The following LRRC4C variants were observed in gnomAD, a reference collection of about 807,000 sequenced individuals.
LRRC4C encodes leucine rich repeat containing 4C.
A neutral mutation model predicts 33.6 loss-of-function variants in LRRC4C; 5 were observed. The ratio of observed to expected loss-of-function variants is 0.15; its 90% CI spans 0.08 to 0.31. LRRC4C has a LOEUF of 0.31. LRRC4C is among the 10% of genes least tolerant of loss of function. LRRC4C has a pLI of 1.00. For missense variants in LRRC4C, 560 were observed against 796.7 expected, an observed-to-expected ratio of 0.70 and a Z score of 3.58; for synonymous variants, 329 against 302.0, an observed-to-expected ratio of 1.09 and a Z score of -0.93.
chr11:40,291,810 C>A lies in LRRC4C; in HGVS notation c.-176+27818G>T, dbSNP rs1944210565. Among the ~76,000 whole-genome samples, 4 of 152,286 alleles carry A rather than the reference C, an allele frequency of 2.6e-5. No homozygotes were observed. The South Asian group carries it at 8.3e-4, about 32-fold the overall frequency. ...TAATGAAATTTAAATTGAGTCCCTT[C>A]GATTTCCAATAGCGAAACATTTGTG... On this transcript the variant is annotated intron_variant, in intron 4 of 6. Transcript: ENST00000528697.
At chr11:40,154,287 C>CAAAAAAAAAAAAAAAAAAAAAAAAAA (rs60017606) in intron 5 of LRRC4C, among the ~76,000 whole-genome samples, 2 of 114,206 alleles carry the variant, frequency 1.8e-5, no homozygotes, top group African/African-American at 3.2e-5. Flanking sequence ...AGCTAAAAAG[C>CAAAAAAAAAAAAAAAAAAAAAAAAAA]AAAAAAAAAA....
intron 1 of LRRC4C, among the ~76,000 whole-genome samples, chr11:41,039,074 T>A (rs144049233): frequency 2.0e-5 from 3 of 152,316 alleles, no homozygotes; most frequent in African/African-American, 7.2e-5. Flanking sequence ...GATCTTACAT[T>A]TAAATCATTA....
At chr11:40,401,859 G>T (rs1949773021) in intron 3 of LRRC4C, among the ~76,000 whole-genome samples, 1 of 152,086 alleles carries the variant, frequency 6.6e-6, no homozygotes, top group African/African-American at 2.4e-5. Context: ...GTGTGTGCAT[G>T]TGTATGTGTA....
intron 3 of LRRC4C, among the ~76,000 whole-genome samples, chr11:40,641,997 G>T (rs574379142): frequency 3.0e-4 from 44 of 148,930 alleles, no homozygotes; most frequent in Middle Eastern, 3.6e-3. Flanking sequence ...GGACAGCCAT[G>T]TCAAATCTTG....
chr11:40,946,890 C>A (rs915283494), intron 1 of LRRC4C, among the ~76,000 whole-genome samples: 5 of 151,928 alleles, frequency 3.3e-5, no homozygotes, highest in African/African-American at 1.2e-4. Flanking sequence ...CCAATAAATT[C>A]AAAAAAATTT....
intron 1 of LRRC4C, among the ~76,000 whole-genome samples, chr11:41,437,419 G>GCA (rs1212085301): frequency 1.6e-5 from 1 of 64,326 alleles, no homozygotes; most frequent in Admixed American, 1.5e-4. Context: ...AAACGCGCGC[G>GCA]CGCGCGCACA....
chr11:40,319,173 A>G (rs10768597), intron 4 of LRRC4C, among the ~76,000 whole-genome samples: 144,274 of 152,254 alleles, frequency 0.95, 68,857 homozygotes, highest in Middle Eastern at 1. Context: ...TCTGTCCTCT[A>G]TTTAACCCCT....
At chr11:41,454,776 A>G (rs1038370660) in intron 1 of LRRC4C, among the ~76,000 whole-genome samples, 4 of 152,138 alleles carry the variant, frequency 2.6e-5, no homozygotes, top group Non-Finnish European at 4.4e-5. Flanking sequence ...TCTGTCTCCA[A>G]TTTTATTTGG....
intron 1 of LRRC4C, among the ~76,000 whole-genome samples, chr11:40,947,166 A>G (rs776592783): frequency 1.3e-5 from 2 of 152,284 alleles, no homozygotes; most frequent in East Asian, 1.9e-4. Flanking sequence ...TGAATTATAC[A>G]TCTTAATCAT....
intron 2 of LRRC4C, among the ~76,000 whole-genome samples, chr11:40,814,780 C>G (rs1399359436): frequency 6.6e-6 from 1 of 151,988 alleles, no homozygotes; most frequent in African/African-American, 2.4e-5. Flanking sequence ...CCACCAGTCT[C>G]TTTGCTAAAA....
At chr11:40,571,615 C>A (rs1957986606) in intron 3 of LRRC4C, among the ~76,000 whole-genome samples, 2 of 152,220 alleles carry the variant, frequency 1.3e-5, no homozygotes, top group South Asian at 4.1e-4. Context: ...ATGTATAATT[C>A]AGTCTTATCT....
intron 3 of LRRC4C, among the ~76,000 whole-genome samples, chr11:40,626,357 C>T (rs1962927487): frequency 6.6e-6 from 1 of 151,974 alleles, no homozygotes. Context: ...TTTTAAAAAG[C>T]TCTTATTGGT....
At chr11:40,386,684 C>T (rs1012683579) in intron 3 of LRRC4C, among the ~76,000 whole-genome samples, 11 of 152,178 alleles carry the variant, frequency 7.2e-5, no homozygotes, top group Admixed American at 2.0e-4. Flanking sequence ...TAGCTTTCTT[C>T]GCTTTTATTT....
intron 3 of LRRC4C, among the ~76,000 whole-genome samples, chr11:40,563,935 A>C (rs575044651): frequency 6.6e-6 from 1 of 152,254 alleles, no homozygotes; most frequent in African/African-American, 2.4e-5. Context: ...CATCCCCCAT[A>C]AGTCAGGCCA....
intron 3 of LRRC4C, among the ~76,000 whole-genome samples, chr11:40,622,144 T>G (rs1327940380): frequency 6.6e-6 from 1 of 151,954 alleles, no homozygotes; most frequent in African/African-American, 2.4e-5. Flanking sequence ...GTCAACATCT[T>G]AGTCACACAT....
At chr11:41,281,861 C>T (rs1425424206) in intron 1 of LRRC4C, among the ~76,000 whole-genome samples, 1 of 152,174 alleles carries the variant, frequency 6.6e-6, no homozygotes, top group Non-Finnish European at 1.5e-5. Context: ...ATAAATACTA[C>T]CCCAAATGCA....
intron 3 of LRRC4C, among the ~76,000 whole-genome samples, chr11:40,602,206 A>AG (rs891950993): frequency 5.1e-5 from 6 of 117,376 alleles, no homozygotes; most frequent in East Asian, 2.1e-4. Context: ...AAAAAAAAAA[A>AG]AAAAGAAAAA....
At chr11:40,956,621 A>G (rs1401378945) in intron 1 of LRRC4C, among the ~76,000 whole-genome samples, 1 of 151,732 alleles carries the variant, frequency 6.6e-6, no homozygotes, top group Non-Finnish European at 1.5e-5. Context: ...AAAGATAGAA[A>G]ACATAGATTA....
At chr11:40,536,033 T>C (rs959610515) in intron 3 of LRRC4C, among the ~76,000 whole-genome samples, 1 of 152,194 alleles carries the variant, frequency 6.6e-6, no homozygotes, top group Admixed American at 6.5e-5. Context: ...GGCCCATTAT[T>C]ATATGTCCAC....
Sources: allele counts gnomAD v4.1 joint callset (sites outside exome capture counted in the v4.1 genomes callset), GRCh38; gene constraint gnomAD v4.1.1; transcripts MANE v1.5; gene names NCBI Gene and HGNC (gene_info 2026-07-23, HGNC 2026-07-21).